The following TAF1 variants were observed in gnomAD, a reference collection of about 807,000 sequenced individuals.
TAF1 encodes transcription initiation factor TFIID subunit 1.
In TAF1, 2 loss-of-function variants were observed where a neutral mutation model predicts 138.5. That is an observed-to-expected ratio of 0.01 (90% CI 0.01 to 0.05). The LOEUF is 0.05. Among genes scored for constraint, TAF1 ranks in the 10% least tolerant of loss-of-function variants. The pLI, the probability that TAF1 is intolerant of heterozygous loss-of-function variation, is 1.00. For synonymous variants in TAF1, 437 were observed against 503.2 expected (o/e 0.87, Z 1.76); for missense variants, 709 against 1,478.0 (o/e 0.48, Z 8.53).
chrX:71,430,405 AG>A (rs1434816461), intron 32 of TAF1, among the ~76,000 whole-genome samples: 2 of 109,871 alleles, frequency 1.8e-5, no homozygotes, highest in Non-Finnish European at 3.8e-5. Flanking sequence ...AAAAAAAAAA[AG>A]GCACATCTAT....
intron 28 of TAF1, chrX:71,420,285 C>T (rs2036261262): frequency 1.9e-6 from 2 of 1,074,921 alleles, no homozygotes; most frequent in South Asian, 1.9e-5. Flanking sequence ...GATTTGCCTT[C>T]CTCTAAATAG....
chrX:71,419,658 G>A (rs2036224164), intron 28 of TAF1, among the ~76,000 whole-genome samples: 1 of 111,799 alleles, frequency 8.9e-6, no homozygotes, highest in African/African-American at 3.3e-5. Flanking sequence ...GACTGTGAAA[G>A]GTTAGAAGAC....
intron 23 of TAF1, 110 bp from the exon 24 acceptor site, chrX:71,398,462 C>T (rs2034981695): frequency 1.9e-6 from 2 of 1,026,956 alleles, no homozygotes; most frequent in African/African-American, 1.9e-5. Context: ...TTTATCTTAG[C>T]CTGGATGGAT....
At chrX:71,478,670 C>T (rs1445690358) in intron 13 of TAF1, among the ~76,000 whole-genome samples, 1 of 111,439 alleles carries the variant, frequency 9.0e-6, no homozygotes, top group Non-Finnish European at 1.9e-5. Flanking sequence ...GACTGGGTAA[C>T]ATAGGGAGGT....
intron 34 of TAF1, among the ~76,000 whole-genome samples, chrX:71,456,649 CTTTTTTTTTTTTTTTTTTTTTT>C (rs776321706): frequency 6.6e-3 from 176 of 26,813 alleles, no homozygotes; most frequent in Non-Finnish European, 8.1e-3. Context: ...AATGTATTTT[CTTTTTTTTTTTTTTTTTTTTTT>C]TTTTTTTTTT....
Position 71,423,925 on chromosome X carries a change from C to T in TAF1, c.4576-49C>T, listed in dbSNP as rs748191799. ...AACCCAACAAAGGTGGTGAAATTCT[C>T]GTATGAAGAGTGGTTTCCATTTAAT... On this transcript the variant is annotated intron_variant, in intron 30 of 37. Coordinates refer to ENST00000423759, the MANE Select transcript of TAF1 (RefSeq NM_004606.5). The T allele has an allele frequency of 5.9e-6, 6 of 1,010,575 alleles. No homozygotes were observed. In the East Asian group the frequency reaches 9.3e-5, roughly 16 times the overall value. 83.3% of individuals were successfully genotyped at this position (1,010,575 alleles called of 1,213,427 possible).
At chrX:71,376,818 A>G in intron 4 of TAF1, 132 bp from the exon 5 acceptor site, 2 of 938,184 alleles carry the variant, frequency 2.1e-6, no homozygotes, top group Non-Finnish European at 2.9e-6. Context: ...GCATACTAGT[A>G]TTATGATTTG....
At chrX:71,504,682 C>G (rs1220252396) in intron 13 of TAF1, among the ~76,000 whole-genome samples, 14 of 82,092 alleles carry the variant, frequency 1.7e-4, no homozygotes, top group Non-Finnish European at 2.6e-4. Flanking sequence ...TTCAAGGTTG[C>G]AGTGAGCTGT....
At position 71,397,329 on chromosome X, in the gene TAF1, C is replaced by T; in HGVS notation, c.3483C>T (p.Ala1161=). ...CCGTGACTAGCCTTAACTCTTCTGC[C>T]ACTGGACGCTGTCTCAAGATTTATC... ...TASVTSLNSS[A]TGRCLKIYRT... is the part of the protein sequence containing the mutation. The change falls in exon 23 of 38, where the codon GCC becomes GCT. Residue 1161 remains alanine (A), a synonymous_variant. Coordinates refer to ENST00000423759, the MANE Select transcript of TAF1 (RefSeq NM_004606.5). 2 of 1,211,615 alleles carry T rather than the reference C, an allele frequency of 1.7e-6. No individual in the cohort carries two copies. Among genetic ancestry groups the T allele is most frequent in the South Asian group, 1.8e-5 (1 of 56,978 alleles).
intron 32 of TAF1, among the ~76,000 whole-genome samples, chrX:71,426,968 A>G (rs1218363513): frequency 4.5e-5 from 5 of 112,162 alleles, no homozygotes; most frequent in Non-Finnish European, 7.5e-5. Flanking sequence ...GAGGTTCTCA[A>G]TTAAGAATCC....
At chrX:71,459,135 G>T in intron 35 of TAF1, 1 of 1,051,238 alleles carries the variant, frequency 9.5e-7, no homozygotes, top group Non-Finnish European at 1.3e-6. Flanking sequence ...TGTGCTATTT[G>T]TGTTCCTTAC....
At chrX:71,370,955 T>G (rs1218315995) in intron 3 of TAF1, among the ~76,000 whole-genome samples, 1 of 112,033 alleles carries the variant, frequency 8.9e-6, no homozygotes, top group Non-Finnish European at 1.9e-5. Flanking sequence ...ACCTATGAGA[T>G]CATGTTTCTG....
At chrX:71,431,219 C>T (rs755547212) in intron 32 of TAF1, among the ~76,000 whole-genome samples, 75 of 107,957 alleles carry the variant, frequency 6.9e-4, no homozygotes, top group Non-Finnish European at 6.9e-4. Flanking sequence ...CATGTCACCA[C>T]ACCCAGCTAA....
exon 14 of TAF1, chrX:71,528,662 G>A (rs774590008): frequency 7.3e-5 from 24 of 329,783 alleles, no homozygotes; most frequent in African/African-American, 5.8e-4. Context: ...TGTGTCCGGA[G>A]TTGGTTCCTT....
chrX:71,497,982 G>A (rs978988716), intron 13 of TAF1, among the ~76,000 whole-genome samples: 4 of 111,375 alleles, frequency 3.6e-5, no homozygotes, highest in African/African-American at 1.3e-4. Flanking sequence ...CTTGTTGTAG[G>A]CAGAGCTGGG....
chrX:71,400,985 C>A (rs2035146206), intron 24 of TAF1, among the ~76,000 whole-genome samples: 1 of 112,189 alleles, frequency 8.9e-6, no homozygotes. Flanking sequence ...TGGGAATACA[C>A]CCAGCAGGCT....
intron 13 of TAF1, among the ~76,000 whole-genome samples, chrX:71,510,341 A>G (rs1050222663): frequency 8.8e-5 from 9 of 102,130 alleles, no homozygotes; most frequent in African/African-American, 3.4e-4. Context: ...TCCCTAGTAG[A>G]AAAAAAAAAA....
Position 71,454,738 on chromosome X carries a change from C to T in TAF1, c.4822-3C>T, listed in dbSNP as rs189168026. 3.9e-5 allele frequency: 46 copies of T among 1,193,289 alleles called. 1 individual carries two copies. In the African/African-American group the frequency reaches 7.8e-4, roughly 20 times the overall value. On this transcript the variant is annotated splice_polypyrimidine_tract_variant and splice_region_variant and intron_variant, in intron 33 of 37. Transcript: ENST00000423759. ...GAATGAATTTATTTTCTTTGTTTCT[C>T]AGTATGATGAACATTTGACTCAACT...
intron 13 of TAF1, among the ~76,000 whole-genome samples, chrX:71,481,245 C>T (rs1031960824): frequency 5.4e-5 from 6 of 112,012 alleles, no homozygotes; most frequent in African/African-American, 1.9e-4. Context: ...TGCCATTGCA[C>T]TCCAGCCTGG....
Sources: gnomAD v4.1 joint callset for allele counts (sites outside exome capture counted in the v4.1 genomes callset) on GRCh38, gnomAD v4.1.1 for gene constraint, MANE v1.5 for transcripts, NCBI Gene and HGNC (gene_info 2026-07-23, HGNC 2026-07-21) for gene names.